Variants in PSD2 observed in about 807,000 individuals in gnomAD.
The protein encoded by PSD2 is PH and SEC7 domain-containing protein 2.
A neutral mutation model predicts 69.8 loss-of-function variants in PSD2; 38 were observed. The ratio of observed to expected loss-of-function variants is 0.54; its 90% CI spans 0.42 to 0.71. PSD2 has a LOEUF of 0.71. Ranked by LOEUF, PSD2 falls within the 30% of genes least tolerant of loss-of-function variation. The pLI, the probability that PSD2 is intolerant of heterozygous loss-of-function variation, is 0.00. For synonymous variants in PSD2, 412 were observed against 423.0 expected, an observed-to-expected ratio of 0.97 and a Z score of 0.32; for missense variants, 943 against 1,014.5, an observed-to-expected ratio of 0.93 and a Z score of 0.96.
intron 1 of PSD2, among the ~76,000 whole-genome samples, chr5:139,796,516 G>A (rs1262523521): frequency 6.6e-6 from 1 of 152,226 alleles, no homozygotes; most frequent in African/African-American, 2.4e-5. Context: ...CGGCTCTGCA[G>A]CTAGAGCGGG....
intron 2 of PSD2, among the ~76,000 whole-genome samples, chr5:139,812,316 A>T (rs1057418404): frequency 1.3e-5 from 2 of 151,936 alleles, no homozygotes; most frequent in Non-Finnish European, 2.9e-5. Flanking sequence ...TGAGAAGGGG[A>T]TGTGGAAGGA....
At position 139,835,775 on chromosome 5, in the gene PSD2, T is replaced by C. The variant is rs752774322; in HGVS notation, c.1403+9T>C. 6.2e-7 allele frequency: 1 copy of C among 1,613,632 alleles called. No individual in the cohort carries two copies. Among genetic ancestry groups the C allele is most frequent in the Non-Finnish European group, 8.5e-7 (1 of 1,179,718 alleles). ...AAGCTGGAATGGGCCATGTGAGTAG[T>C]GACGATGGGCACAGGTATGGGGAGC... On this transcript the variant is annotated intron_variant, in intron 9 of 14. Transcript: ENST00000274710.
the PSD2 span, among the ~76,000 whole-genome samples, chr5:139,761,133 T>C: frequency 2.0e-4 from 30 of 152,292 alleles, no homozygotes; most frequent in African/African-American, 6.3e-4. Flanking sequence ...CATCAACATC[T>C]CGGAGTCCCT....
the PSD2 span, among the ~76,000 whole-genome samples, chr5:139,766,952 T>A: frequency 1.5e-5 from 2 of 132,856 alleles, no homozygotes; most frequent in Admixed American, 1.6e-4. Context: ...TTTCTTTCTT[T>A]CTTTCTTTCT....
At chr5:139,746,229 C>A in the PSD2 span, 1 of 152,262 alleles carries the variant, frequency 6.6e-6, no homozygotes, top group African/African-American at 2.4e-5. The surrounding 1 kb of genome is among the most constrained non-coding windows in gnomAD (Gnocchi z 4.5). Flanking sequence ...TCCCCCACCC[C>A]CAGCGGGGGG....
At chr5:139,835,838 C>T (rs775184337) in intron 9 of PSD2, 72 bp downstream of exon 9, 31 of 1,445,914 alleles carry the variant, frequency 2.1e-5, no homozygotes, top group Middle Eastern at 1.7e-4. Context: ...GGTGCAGGTC[C>T]GACATTCTGA....
intron 1 of PSD2, among the ~76,000 whole-genome samples, chr5:139,796,799 T>C (rs752286043): frequency 6.6e-6 from 1 of 152,150 alleles, no homozygotes; most frequent in Non-Finnish European, 1.5e-5. Context: ...CTTGGGGCCA[T>C]CTTGGGGGGG....
the PSD2 span, among the ~76,000 whole-genome samples, chr5:139,769,368 C>T: frequency 6.6e-6 from 1 of 152,094 alleles, no homozygotes; most frequent in Non-Finnish European, 1.5e-5. Flanking sequence ...AGCTTCTAGA[C>T]AGGGGTGGCA....
In PSD2 at chr5:139,842,555, G is replaced by A. The variant is rs1760901043; in HGVS notation, c.*81G>A. 1 of 1,305,180 alleles carries A rather than the reference G, an allele frequency of 7.7e-7. No homozygotes were observed. Among genetic ancestry groups the A allele is most frequent in the Admixed American group, 1.7e-5 (1 of 57,388 alleles). The allele number at this position is 1,305,180 out of a possible 1,614,324, so 80.8% of individuals were successfully genotyped here. A position where few individuals can be genotyped will look rare whatever the true frequency, so the allele number is the denominator to read the frequency against. ...GCACAATTCCAGCCAGGGGCCACTTGGACCAAGCTCCAGTCAGTTGATGGG... is the reference window on the plus strand; with the variant it reads ...GCACAATTCCAGCCAGGGGCCACTTAGACCAAGCTCCAGTCAGTTGATGGG... On this transcript the variant is annotated 3_prime_UTR_variant, in exon 15 of 15. Transcript: ENST00000274710.
intron 1 of PSD2, among the ~76,000 whole-genome samples, chr5:139,808,399 G>A (rs1426500745): frequency 6.6e-6 from 1 of 152,210 alleles, no homozygotes; most frequent in Non-Finnish European, 1.5e-5. Context: ...TGAAACAGTG[G>A]CGGTGAAGAT....
chr5:139,752,792 G>T, the PSD2 span, among the ~76,000 whole-genome samples: 2 of 152,144 alleles, frequency 1.3e-5, no homozygotes, highest in South Asian at 4.1e-4. Flanking sequence ...CTGGCTGCCC[G>T]CCAAGCGCGG....
chr5:139,749,062 G>A, the PSD2 span, among the ~76,000 whole-genome samples: 2 of 152,032 alleles, frequency 1.3e-5, no homozygotes, highest in Non-Finnish European at 2.9e-5. Flanking sequence ...GTCTCCCCAG[G>A]GTAAGTCAGG....
intron 2 of PSD2, among the ~76,000 whole-genome samples, chr5:139,813,015 C>G (rs1760010904): frequency 6.6e-6 from 1 of 152,124 alleles, no homozygotes; most frequent in African/African-American, 2.4e-5. Flanking sequence ...GGCAGCGGGG[C>G]AGGGGCAGGG....
intron 4 of PSD2, among the ~76,000 whole-genome samples, chr5:139,816,937 C>A (rs1224624400): frequency 6.6e-6 from 1 of 152,252 alleles, no homozygotes; most frequent in Non-Finnish European, 1.5e-5. Flanking sequence ...TCCATTCCAT[C>A]TCCTTGTCTT....
At chr5:139,799,500 A>G (rs1329233998) in intron 1 of PSD2, among the ~76,000 whole-genome samples, 2 of 152,142 alleles carry the variant, frequency 1.3e-5, no homozygotes, top group African/African-American at 2.4e-5. Context: ...CTAGCCTGGA[A>G]TGTGGGCTGA....
At chr5:139,780,040 A>G in the PSD2 span, among the ~76,000 whole-genome samples, 2 of 152,156 alleles carry the variant, frequency 1.3e-5, no homozygotes, top group East Asian at 1.9e-4. Context: ...TGGGGACTCG[A>G]GTGGAAATGC....
Position 139,825,544 on chromosome 5 carries a change from T to C in PSD2, c.1269+2760T>C, listed in dbSNP as rs562461731. Among the ~76,000 whole-genome samples, 303 of 152,220 alleles carry C rather than the reference T, an allele frequency of 2.0e-3. 2 individuals are homozygous for C. The highest frequency in any genetic ancestry group is 7.0e-3 in the African/African-American group (291 of 41,514). On this transcript the variant is annotated intron_variant, in intron 7 of 14. Transcript: ENST00000274710. Reference sequence around the variant, plus strand: ...TGATGGTAGCGTGGGTAGAAGGGACTGACAAGGGAGACCTTTCAGGACTGA... The same window carrying C: ...TGATGGTAGCGTGGGTAGAAGGGACCGACAAGGGAGACCTTTCAGGACTGA...
intron 13 of PSD2, 143 bp downstream of exon 13, chr5:139,838,915 C>T (rs1336214477): frequency 8.2e-6 from 7 of 851,906 alleles, no homozygotes; most frequent in Admixed American, 2.8e-5. Flanking sequence ...CTGTTCCCTC[C>T]ATCCCAAGCA....
In PSD2 at chr5:139,843,091, C is replaced by T. The variant is rs1157130826; in HGVS notation, c.*617C>T. 3 of 153,204 alleles carry T rather than the reference C, an allele frequency of 2.0e-5. No individual in the cohort carries two copies. Among genetic ancestry groups the T allele is most frequent in the Admixed American group, 6.5e-5 (1 of 15,296 alleles). The allele number at this position is 153,204 out of a possible 1,614,324, so 9.5% of individuals were successfully genotyped here. A position where few individuals can be genotyped will look rare whatever the true frequency, so the allele number is the denominator to read the frequency against. ...TTCATCCATTGAGATCACACTGCCTCCTTTTTATACAGACACAAATATACA... is the reference window on the plus strand; with the variant it reads ...TTCATCCATTGAGATCACACTGCCTTCTTTTTATACAGACACAAATATACA... On this transcript the variant is annotated 3_prime_UTR_variant, in exon 15 of 15. Transcript: ENST00000274710.
Sources: allele counts gnomAD v4.1 joint callset (sites outside exome capture counted in the v4.1 genomes callset), GRCh38; gene constraint gnomAD v4.1.1; non-coding constraint Gnocchi (gnomAD v3.1); transcripts MANE v1.5; gene names NCBI Gene and HGNC (gene_info 2026-07-23, HGNC 2026-07-21).